The following PTPRG variants were observed in gnomAD, a reference collection of about 807,000 sequenced individuals.
PTPRG encodes receptor-type tyrosine-protein phosphatase gamma.
Under a neutral mutation model 165.3 loss-of-function variants are expected in PTPRG, and 102 were observed. The observed-to-expected ratio is 0.62, with a 90% CI of 0.53 to 0.73. The LOEUF is 0.73. Ranked by LOEUF, PTPRG falls within the 30% of genes least tolerant of loss-of-function variation. The probability of loss-of-function intolerance (pLI) is 0.00; values close to 1 mark genes in which losing one functional copy is unlikely to be tolerated. For synonymous variants in PTPRG, 675 were observed against 669.5 expected, an observed-to-expected ratio of 1.01 and a Z score of -0.13; for missense variants, 1,866 against 1,861.4, an observed-to-expected ratio of 1.00 and a Z score of -0.05.
At chr3:61,904,233 C>G (rs913073266) in intron 2 of PTPRG, among the ~76,000 whole-genome samples, 3 of 152,192 alleles carry the variant, frequency 2.0e-5, no homozygotes, top group African/African-American at 7.2e-5. Flanking sequence ...CCACTTGAAA[C>G]TGGGCCCTGC....
chr3:61,564,036 C>G (rs1337950857), intron 1 of PTPRG, among the ~76,000 whole-genome samples: 2 of 152,188 alleles, frequency 1.3e-5, no homozygotes, highest in African/African-American at 2.4e-5. Flanking sequence ...AGTCCTGCCT[C>G]TACGGTAGGA....
intron 2 of PTPRG, among the ~76,000 whole-genome samples, chr3:61,836,551 A>G (rs2036468099): frequency 6.6e-6 from 1 of 152,208 alleles, no homozygotes; most frequent in South Asian, 2.1e-4. Flanking sequence ...GGTACTTTGC[A>G]TAATGCCTCT....
chr3:61,605,583 T>C (rs908475009), intron 1 of PTPRG, among the ~76,000 whole-genome samples: 1 of 152,064 alleles, frequency 6.6e-6, no homozygotes, highest in African/African-American at 2.4e-5. Context: ...GTTTTTTTTA[T>C]TTTTAGAAAG....
chr3:61,658,645 T>G (rs1198610088), intron 1 of PTPRG, among the ~76,000 whole-genome samples: 1 of 152,240 alleles, frequency 6.6e-6, no homozygotes, highest in Non-Finnish European at 1.5e-5. Context: ...TTTTGTTGTT[T>G]ATTTTCCCAG....
intron 2 of PTPRG, among the ~76,000 whole-genome samples, chr3:61,754,145 G>A (rs143679491): frequency 7.8e-4 from 119 of 152,202 alleles, no homozygotes; most frequent in African/African-American, 2.6e-3. Context: ...AAAATTCCCC[G>A]TAAGACATTT....
At chr3:61,907,381 T>C (rs2038683051) in intron 2 of PTPRG, among the ~76,000 whole-genome samples, 1 of 152,186 alleles carries the variant, frequency 6.6e-6, no homozygotes, top group African/African-American at 2.4e-5. Context: ...GATCAGGCCG[T>C]CTTCCCAGCA....
At chr3:61,888,190 T>C (rs1381286343) in intron 2 of PTPRG, among the ~76,000 whole-genome samples, 5 of 148,746 alleles carry the variant, frequency 3.4e-5, no homozygotes, top group Admixed American at 1.3e-4. Flanking sequence ...TTCACTAATT[T>C]TTAAATCTTT....
intron 2 of PTPRG, among the ~76,000 whole-genome samples, chr3:61,963,749 A>G (rs1172679033): frequency 6.6e-6 from 1 of 152,192 alleles, no homozygotes; most frequent in Non-Finnish European, 1.5e-5. Flanking sequence ...TTTTACCTAA[A>G]TGAACATATT....
At chr3:61,971,694 A>G (rs1343769559) in intron 2 of PTPRG, among the ~76,000 whole-genome samples, 1 of 152,216 alleles carries the variant, frequency 6.6e-6, no homozygotes, top group Non-Finnish European at 1.5e-5. Flanking sequence ...TCTTCGGATC[A>G]TTTGGTGTGA....
chr3:61,591,840 C>T (rs894827927), intron 1 of PTPRG, among the ~76,000 whole-genome samples: 4 of 152,178 alleles, frequency 2.6e-5, no homozygotes, highest in East Asian at 1.9e-4. Flanking sequence ...TGTTTCTAGG[C>T]ATAACTAGCT....
intron 4 of PTPRG, among the ~76,000 whole-genome samples, chr3:62,031,544 G>A (rs554411197): frequency 2.6e-5 from 4 of 152,296 alleles, no homozygotes; most frequent in South Asian, 2.1e-4. Context: ...CCTTCGAAGC[G>A]TTCTGAAGAA....
At chr3:61,813,577 G>GTGTGTA (rs1559626180) in intron 2 of PTPRG, among the ~76,000 whole-genome samples, 5 of 148,930 alleles carry the variant, frequency 3.4e-5, no homozygotes, top group Non-Finnish European at 7.5e-5. Context: ...GTGTGTGTGT[G>GTGTGTA]TGTGTGTGTG....
At chr3:61,606,706 G>A (rs2106861313) in intron 1 of PTPRG, among the ~76,000 whole-genome samples, 1 of 152,306 alleles carries the variant, frequency 6.6e-6, no homozygotes, top group South Asian at 2.1e-4. Flanking sequence ...CCAGAGGGGA[G>A]GAACACTGCC....
chr3:61,617,848 A>G (rs1008565978), intron 1 of PTPRG, among the ~76,000 whole-genome samples: 2 of 152,184 alleles, frequency 1.3e-5, no homozygotes, highest in Non-Finnish European at 1.5e-5. Flanking sequence ...CATATTTTAA[A>G]TGGCAAATGA....
At chr3:62,101,930 T>A (rs1702301013) in intron 5 of PTPRG, among the ~76,000 whole-genome samples, 1 of 152,244 alleles carries the variant, frequency 6.6e-6, no homozygotes, top group East Asian at 1.9e-4. Context: ...TCTTTCAAAA[T>A]CTCTCCTGAT....
In PTPRG at chr3:61,753,585, G is replaced by T. The variant is rs1364489120; in HGVS notation, c.190+4603G>T. ...AGTAACTTCAAGTAGAAATTTGAGG[G>T]TTTTTTTTTTTTTTTTGGAGATTGG... On this transcript the variant is annotated intron_variant, in intron 2 of 29. Transcript: ENST00000474889. 131 of 365,228 alleles carry T rather than the reference G, an allele frequency of 3.6e-4. 2 individuals are homozygous for T. The highest frequency in any genetic ancestry group is 1.4e-3 in the African/African-American group (55 of 39,488). 22.6% of individuals were successfully genotyped at this position (365,228 alleles called of 1,614,324 possible). A position where few individuals can be genotyped will look rare whatever the true frequency, so the allele number is the denominator to read the frequency against.
At chr3:61,737,914 G>GTTTT (rs376023066) in intron 1 of PTPRG, among the ~76,000 whole-genome samples, 18 of 144,490 alleles carry the variant, frequency 1.2e-4, no homozygotes, top group South Asian at 2.2e-4. Flanking sequence ...AGGTTTTTTT[G>GTTTT]TTTTTTTTTT....
chr3:62,284,450 T>C (rs1702562681), intron 28 of PTPRG, among the ~76,000 whole-genome samples: 1 of 152,138 alleles, frequency 6.6e-6, no homozygotes, highest in Non-Finnish European at 1.5e-5. Flanking sequence ...AAATATCATA[T>C]AGGTGAGATG....
At chr3:61,778,043 C>T in intron 2 of PTPRG, among the ~76,000 whole-genome samples, 1 of 152,248 alleles carries the variant, frequency 6.6e-6, no homozygotes, top group East Asian at 1.9e-4. Flanking sequence ...AGGCCTGCCC[C>T]ATGCCAAGCA....
Sources: allele counts gnomAD v4.1 joint callset (sites outside exome capture counted in the v4.1 genomes callset), GRCh38; gene constraint gnomAD v4.1.1; transcripts MANE v1.5; gene names NCBI Gene and HGNC (gene_info 2026-07-23, HGNC 2026-07-21).